The following SH3PXD2B variants were observed in gnomAD, a reference collection of about 807,000 sequenced individuals.
SH3PXD2B encodes SH3 and PX domains 2B.
Under a neutral mutation model 73.1 loss-of-function variants are expected in SH3PXD2B, and 37 were observed. The ratio of observed to expected loss-of-function variants is 0.51; its 90% CI spans 0.39 to 0.67. The LOEUF is 0.67. Ranked by LOEUF, SH3PXD2B falls within the 30% of genes least tolerant of loss-of-function variation. The pLI, the probability that SH3PXD2B is intolerant of heterozygous loss-of-function variation, is 0.00. For synonymous variants in SH3PXD2B, 457 were observed against 480.5 expected (o/e 0.95, Z 0.64); for missense variants, 1,053 against 1,197.8 (o/e 0.88, Z 1.78).
intron 10 of SH3PXD2B, among the ~76,000 whole-genome samples, chr5:172,349,729 A>C (rs1055226370): frequency 5.3e-5 from 8 of 152,206 alleles, no homozygotes; most frequent in Non-Finnish European, 4.4e-5. Flanking sequence ...AGTTATGAGG[A>C]GTCGATTAGA....
chr5:172,439,288 AAAACC>A lies in SH3PXD2B; in HGVS notation c.75+14985_75+14989del, dbSNP rs1171866789. On this transcript the variant is annotated intron_variant, in intron 1 of 12. Transcript: ENST00000311601. ...ACAAAAACAAAAACAAAACAAAAAA[AAAACC>A]CCAAAAAAAAACCACAGGCATCGGC... Among the ~76,000 whole-genome samples, 401 of 60,298 alleles carry A rather than the reference AAAACC, an allele frequency of 6.7e-3. 30 individuals carry two copies. The highest frequency in any genetic ancestry group is 0.022 in the African/African-American group (380 of 17,650). 39.6% of individuals were successfully genotyped at this position (60,298 alleles called of 152,430 possible). A position where few individuals can be genotyped will look rare whatever the true frequency, so the allele number is the denominator to read the frequency against.
intron 12 of SH3PXD2B, chr5:172,325,448 T>C: frequency 9.3e-7 from 1 of 1,071,040 alleles, no homozygotes; most frequent in Non-Finnish European, 1.4e-6. Context: ...TAACGTGGCC[T>C]GGGACTTTGT....
intron 1 of SH3PXD2B, among the ~76,000 whole-genome samples, chr5:172,432,438 C>T (rs1759269535): frequency 6.6e-6 from 1 of 152,232 alleles, no homozygotes; most frequent in South Asian, 2.1e-4. Flanking sequence ...AGTATGGGAG[C>T]TGAAATGAGG....
chr5:172,391,151 T>C (rs1561919312), intron 4 of SH3PXD2B, among the ~76,000 whole-genome samples: 1 of 152,164 alleles, frequency 6.6e-6, no homozygotes. Context: ...TGCAGCTTCC[T>C]ATCTTAAGGG....
chr5:172,362,242 A>G (rs1581275222), intron 7 of SH3PXD2B, among the ~76,000 whole-genome samples: 1 of 152,314 alleles, frequency 6.6e-6, no homozygotes, highest in Non-Finnish European at 1.5e-5. Context: ...TGGAATTCTG[A>G]TGGAAATCCA....
intron 4 of SH3PXD2B, among the ~76,000 whole-genome samples, chr5:172,387,936 C>T (rs1561917671): frequency 6.6e-6 from 1 of 152,038 alleles, no homozygotes; most frequent in African/African-American, 2.4e-5. Context: ...ACATTTATGT[C>T]TTTAATTTTC....
intron 4 of SH3PXD2B, among the ~76,000 whole-genome samples, chr5:172,391,053 C>G (rs1173019373): frequency 6.6e-6 from 1 of 152,058 alleles, no homozygotes; most frequent in East Asian, 1.9e-4. Flanking sequence ...TTTGGTCAGG[C>G]TGGTCTCGAA....
At chr5:172,329,791 C>T (rs893967485), downstream of SH3PXD2B, among the ~76,000 whole-genome samples, 2 of 152,164 alleles carry the variant, frequency 1.3e-5, no homozygotes, top group African/African-American at 2.4e-5. Flanking sequence ...CCCGCCTCGG[C>T]CTCCCAAAGT....
intron 4 of SH3PXD2B, among the ~76,000 whole-genome samples, chr5:172,388,268 G>C (rs754209944): frequency 6.6e-6 from 1 of 152,160 alleles, no homozygotes; most frequent in East Asian, 1.9e-4. Context: ...CTCTATTAGA[G>C]ACCTTCATTT....
chr5:172,437,247 C>T (rs915914393), intron 1 of SH3PXD2B, among the ~76,000 whole-genome samples: 11 of 152,146 alleles, frequency 7.2e-5, no homozygotes, highest in South Asian at 4.1e-4. Flanking sequence ...GACTCTGCCA[C>T]GCTTCGTGGA....
intron 2 of SH3PXD2B, among the ~76,000 whole-genome samples, chr5:172,419,726 C>T (rs1180717340): frequency 6.6e-6 from 1 of 152,138 alleles, no homozygotes; most frequent in Admixed American, 6.5e-5. Flanking sequence ...TCTCTTCGTG[C>T]CCAAGCTAGC....
At chr5:172,351,687 A>T (rs1260446938) in intron 9 of SH3PXD2B, among the ~76,000 whole-genome samples, 1 of 152,116 alleles carries the variant, frequency 6.6e-6, no homozygotes, top group African/African-American at 2.4e-5. Flanking sequence ...AGGTGGCCAG[A>T]CCTTTGGGGA....
chr5:172,452,517 G>A (rs1303754769), intron 1 of SH3PXD2B, among the ~76,000 whole-genome samples: 1 of 152,184 alleles, frequency 6.6e-6, no homozygotes, highest in African/African-American at 2.4e-5. Flanking sequence ...CTTGGCTCTT[G>A]ACTGTGACCT....
intron 6 of SH3PXD2B, among the ~76,000 whole-genome samples, chr5:172,365,266 A>AC (rs1757488486): frequency 6.6e-6 from 1 of 152,096 alleles, no homozygotes; most frequent in Non-Finnish European, 1.5e-5. Context: ...CAGCACAGAA[A>AC]CCATCCCAAC....
chr5:172,409,348 C>G (rs1381844987), intron 2 of SH3PXD2B, among the ~76,000 whole-genome samples: 1 of 151,846 alleles, frequency 6.6e-6, no homozygotes. Context: ...CGCCATTGCA[C>G]TACAGCCTGG....
chr5:172,390,860 T>A (rs994935957), intron 4 of SH3PXD2B, among the ~76,000 whole-genome samples: 70 of 142,902 alleles, frequency 4.9e-4, no homozygotes, highest in African/African-American at 7.1e-4. Context: ...TGTGTGTGTG[T>A]GACAGAGTTT....
At chr5:172,439,293 C>CAAAAAAAAAAA (rs1233319484) in intron 1 of SH3PXD2B, among the ~76,000 whole-genome samples, 3 of 61,588 alleles carry the variant, frequency 4.9e-5, no homozygotes, top group African/African-American at 2.5e-4. Flanking sequence ...AAAAAAAAAC[C>CAAAAAAAAAAA]CCAAAAAAAA....
intron 1 of SH3PXD2B, among the ~76,000 whole-genome samples, chr5:172,448,428 G>A (rs1342917962): frequency 6.6e-6 from 1 of 152,138 alleles, no homozygotes; most frequent in Non-Finnish European, 1.5e-5. Flanking sequence ...TCGGCTCACT[G>A]CAACCTCCAC....
chr5:172,404,449 G>A (rs1299230513), intron 3 of SH3PXD2B, among the ~76,000 whole-genome samples: 4 of 152,132 alleles, frequency 2.6e-5, no homozygotes, highest in Non-Finnish European at 4.4e-5. Flanking sequence ...CCGCCACCAC[G>A]CCCAGCTAAT....
Sources: gnomAD v4.1 joint callset for allele counts (sites outside exome capture counted in the v4.1 genomes callset) on GRCh38, gnomAD v4.1.1 for gene constraint, MANE v1.5 for transcripts, NCBI Gene and HGNC (gene_info 2026-07-23, HGNC 2026-07-21) for gene names.